The following ZBTB20 variants were observed in gnomAD, a reference collection of about 807,000 sequenced individuals.
The protein encoded by ZBTB20 is zinc finger and BTB domain-containing protein 20.
ZBTB20 carries 9 observed loss-of-function variants against 56.9 expected under a neutral mutation model. That is an observed-to-expected ratio of 0.16 (90% CI 0.10 to 0.28). The LOEUF is 0.28. Among genes scored for constraint, ZBTB20 ranks in the 10% least tolerant of loss-of-function variants. The pLI, the probability that ZBTB20 is intolerant of heterozygous loss-of-function variation, is 1.00. For missense variants in ZBTB20, 655 were observed against 1,003.0 expected, an observed-to-expected ratio of 0.65 and a Z score of 4.69; for synonymous variants, 417 against 420.7, an observed-to-expected ratio of 0.99 and a Z score of 0.11.
Position 114,844,520 on chromosome 3 carries a change from C to CAAAAAAAAAAA in ZBTB20, c.-416-43357_-416-43347dup, listed in dbSNP as rs71146342. Among the ~76,000 whole-genome samples, 208 of 22,806 alleles carry CAAAAAAAAAAA rather than the reference C, an allele frequency of 9.1e-3. 86 individuals are homozygous for CAAAAAAAAAAA. Among genetic ancestry groups the CAAAAAAAAAAA allele is most frequent in the East Asian group, 0.031 (20 of 644 alleles). The allele number at this position is 22,806 out of a possible 152,430, so 15.0% of individuals were successfully genotyped here. ...TGGTTGACAGAGCAAGTCCCTGTCT[C>CAAAAAAAAAAA]AAAAAAAAAAAAAAAAAAAAAAAAA... On this transcript the variant is annotated intron_variant, in intron 4 of 11. Coordinates refer to ENST00000675478, the MANE Select transcript of ZBTB20 (RefSeq NM_001348800.3).
intron 1 of ZBTB20, among the ~76,000 whole-genome samples, chr3:115,143,325 T>C (rs145969709): frequency 0.012 from 1,873 of 152,340 alleles, 22 homozygotes; most frequent in African/African-American, 0.034. Flanking sequence ...TCCTCTTTAA[T>C]GTCGCCTATA....
At chr3:114,488,590 G>T (rs2042394277) in intron 7 of ZBTB20, among the ~76,000 whole-genome samples, 1 of 152,146 alleles carries the variant, frequency 6.6e-6, no homozygotes, top group South Asian at 2.1e-4. Flanking sequence ...GAAAATTACA[G>T]AATTAGTGAG....
At chr3:114,790,350 C>T (rs984100695) in intron 5 of ZBTB20, among the ~76,000 whole-genome samples, 6 of 152,050 alleles carry the variant, frequency 3.9e-5, no homozygotes, top group Admixed American at 2.0e-4. Flanking sequence ...TGTGAAATAA[C>T]CAATGTGAAG....
chr3:114,886,626 C>A (rs1203978939), intron 4 of ZBTB20, among the ~76,000 whole-genome samples: 2 of 152,132 alleles, frequency 1.3e-5, no homozygotes, highest in Admixed American at 1.3e-4. Flanking sequence ...TTGGATGATA[C>A]CAATGTCAGT....
intron 6 of ZBTB20, among the ~76,000 whole-genome samples, chr3:114,665,021 A>T (rs1015217535): frequency 6.6e-6 from 1 of 152,106 alleles, no homozygotes; most frequent in African/African-American, 2.4e-5. Flanking sequence ...GAGCAAGGAA[A>T]AGCTAAACTG....
chr3:115,142,541 G>C (rs1001984085), intron 1 of ZBTB20, among the ~76,000 whole-genome samples: 1 of 151,874 alleles, frequency 6.6e-6, no homozygotes, highest in Non-Finnish European at 1.5e-5. Context: ...GTGCGCGCCT[G>C]TAGTCCCAGC....
chr3:114,808,470 C>G (rs895762109), intron 4 of ZBTB20, among the ~76,000 whole-genome samples: 8 of 151,740 alleles, frequency 5.3e-5, no homozygotes, highest in African/African-American at 1.9e-4. Context: ...ATAGTATTAA[C>G]TATAACTATA....
rs556781798 is a variant in ZBTB20 at position 114,482,447 on chromosome 3, T to A, written c.-255+17905A>T. Among the ~76,000 whole-genome samples, 4 of 152,270 alleles carry A rather than the reference T, an allele frequency of 2.6e-5. No homozygotes were observed. The East Asian group carries it at 7.7e-4, about 29-fold the overall frequency. ...TGGAGGCCAAATCTGAGTTACCTCA[T>A]AGATAAGGAAAGAAGGCCTGTGATT... is the stretch of plus-strand genomic sequence containing the variant. On this transcript the variant is annotated intron_variant, in intron 7 of 11. Coordinates refer to ENST00000675478, the MANE Select transcript of ZBTB20 (RefSeq NM_001348800.3).
Position 114,698,447 on chromosome 3 carries a change from T to G in ZBTB20, c.-342-4872A>C, listed in dbSNP as rs547718356. Among the ~76,000 whole-genome samples, 254 of 152,220 alleles carry G rather than the reference T, an allele frequency of 1.7e-3. 1 individual carries two copies. The highest frequency in any genetic ancestry group is 6.8e-3 in the Middle Eastern group (2 of 294). On this transcript the variant is annotated intron_variant, in intron 5 of 11. Coordinates refer to ENST00000675478, the MANE Select transcript of ZBTB20 (RefSeq NM_001348800.3). ...TGGAATGCCTGTAGCATTCTCAGTC[T>G]TTGAATGCTGCTCAGTGCTTCCCAT...
chr3:114,629,403 C>T (rs1481527666), intron 6 of ZBTB20, among the ~76,000 whole-genome samples: 1 of 152,090 alleles, frequency 6.6e-6, no homozygotes, highest in Non-Finnish European at 1.5e-5. Flanking sequence ...TTTTCAGGGT[C>T]AACAAATTAT....
intron 2 of ZBTB20, among the ~76,000 whole-genome samples, chr3:115,012,673 C>G (rs2079774424): frequency 6.6e-6 from 1 of 151,680 alleles, no homozygotes; most frequent in African/African-American, 2.4e-5. Flanking sequence ...GACAGAAAAT[C>G]CATAAAGAAA....
chr3:114,855,598 G>A (rs1186714594), intron 4 of ZBTB20, among the ~76,000 whole-genome samples: 1 of 152,170 alleles, frequency 6.6e-6, no homozygotes, highest in African/African-American at 2.4e-5. Context: ...GAGCAAGAAG[G>A]AGGTAAAGGA....
intron 5 of ZBTB20, among the ~76,000 whole-genome samples, 190 bp from the exon 6 acceptor site, chr3:114,693,765 T>G (rs2062833141): frequency 6.6e-6 from 1 of 152,140 alleles, no homozygotes; most frequent in Non-Finnish European, 1.5e-5. Context: ...GTATCTTTTG[T>G]AACTGCCTGC....
intron 1 of ZBTB20, among the ~76,000 whole-genome samples, chr3:115,096,736 G>T (rs1450869009): frequency 6.6e-6 from 1 of 152,062 alleles, no homozygotes; most frequent in African/African-American, 2.4e-5. Flanking sequence ...CTTAGAGTTG[G>T]GCAAGTCCAT....
chr3:114,451,987 T>A (rs2091644326), intron 7 of ZBTB20, among the ~76,000 whole-genome samples: 1 of 151,982 alleles, frequency 6.6e-6, no homozygotes, highest in Non-Finnish European at 1.5e-5. Flanking sequence ...CTAGTGCAGC[T>A]TTCAGTAACA....
chr3:114,801,326 T>TTTTCTTTAAA (rs1553826550), intron 4 of ZBTB20, 152 bp from the exon 5 acceptor site: 1 of 125,426 alleles, frequency 8.0e-6, no homozygotes, highest in Non-Finnish European at 1.7e-5. Flanking sequence ...TTTTTTCTGT[T>TTTTCTTTAAA]AAGGAAAAAA....
intron 7 of ZBTB20, among the ~76,000 whole-genome samples, chr3:114,439,733 A>G (rs1279002989): frequency 6.6e-6 from 1 of 152,204 alleles, no homozygotes; most frequent in Non-Finnish European, 1.5e-5. Context: ...ATGTCTGTAC[A>G]GGTTGAAACT....
chr3:115,141,177 T>C (rs1335760648), intron 1 of ZBTB20, among the ~76,000 whole-genome samples: 4 of 152,248 alleles, frequency 2.6e-5, no homozygotes, highest in Admixed American at 1.3e-4. Flanking sequence ...CATTGCCCTG[T>C]CAATAGAGAC....
intron 7 of ZBTB20, among the ~76,000 whole-genome samples, chr3:114,394,056 G>T (rs1669624597): frequency 6.6e-6 from 1 of 152,082 alleles, no homozygotes; most frequent in Admixed American, 6.5e-5. Context: ...TATAGATGGG[G>T]GGTTCATGAT....
Sources: gnomAD v4.1 joint callset for allele counts (sites outside exome capture counted in the v4.1 genomes callset) on GRCh38, gnomAD v4.1.1 for gene constraint, MANE v1.5 for transcripts, NCBI Gene and HGNC (gene_info 2026-07-23, HGNC 2026-07-21) for gene names.